Variants in ROCK2 observed in about 807,000 individuals in gnomAD.
ROCK2 encodes the protein rho-associated protein kinase 2.
A neutral mutation model predicts 195.1 loss-of-function variants in ROCK2; 61 were observed. The observed-to-expected ratio is 0.31, with a 90% confidence interval of 0.25 to 0.39. The LOEUF (loss-of-function observed/expected upper bound fraction) is 0.39. ROCK2 is among the 10% of genes least tolerant of loss of function. The pLI is 1.00. For missense variants in ROCK2, 1,109 were observed against 1,637.4 expected (o/e 0.68, Z 5.57); for synonymous variants, 504 against 545.5 (o/e 0.92, Z 1.06).
In ROCK2 at chr2:11,221,118, T is replaced by A. The variant is rs1054939127; in HGVS notation, c.1259+80A>T. ...AAACAAATTAATACTTTATCTCCTA[T>A]AATTGAGTCTCAAAATAACACATCA... is the stretch of plus-strand genomic sequence containing the variant. On this transcript the variant is annotated intron_variant, in intron 9 of 32. Coordinates refer to ENST00000315872, the MANE Select transcript of ROCK2 (RefSeq NM_004850.5). 2.0e-5 allele frequency: 21 copies of A among 1,050,362 alleles called. No individual in the cohort carries two copies. The African/African-American group carries it at 3.1e-4, about 16-fold the overall frequency. The allele number at this position is 1,050,362 out of a possible 1,614,324, so 65.1% of individuals were successfully genotyped here.
chr2:11,321,378 A>G (rs1668394943), intron 1 of ROCK2, among the ~76,000 whole-genome samples: 1 of 151,470 alleles, frequency 6.6e-6, no homozygotes, highest in Non-Finnish European at 1.5e-5. Flanking sequence ...GTTTTTTGCC[A>G]TGTTAGCCAG....
chr2:11,337,235 A>C (rs1668956823), intron 1 of ROCK2, among the ~76,000 whole-genome samples: 1 of 151,416 alleles, frequency 6.6e-6, no homozygotes, highest in Non-Finnish European at 1.5e-5. Context: ...ACTCAGCAAG[A>C]CTCTACCTCA....
upstream of ROCK2, among the ~76,000 whole-genome samples, chr2:11,344,766 T>G (rs927903922): frequency 2.0e-5 from 3 of 149,406 alleles, no homozygotes; most frequent in Non-Finnish European, 4.5e-5. This position sits in a 1 kb window ranked among gnomAD's most constrained non-coding sequence, Gnocchi z 5.4. Context: ...TTTCCCTTCC[T>G]GCGTCTGTCC....
chr2:11,195,642 G>GT (rs1476251300), intron 27 of ROCK2, among the ~76,000 whole-genome samples: 1 of 152,116 alleles, frequency 6.6e-6, no homozygotes, highest in Non-Finnish European at 1.5e-5. Context: ...GGCTTCCCAG[G>GT]TAGCTGGGAT....
At chr2:11,307,386 T>A (rs1667890027) in intron 1 of ROCK2, among the ~76,000 whole-genome samples, 1 of 152,236 alleles carries the variant, frequency 6.6e-6, no homozygotes, top group South Asian at 2.1e-4. Context: ...CGATCTCAGC[T>A]CACTGCAACC....
chr2:11,275,659 T>C (rs1246294169), intron 3 of ROCK2, among the ~76,000 whole-genome samples: 2 of 151,706 alleles, frequency 1.3e-5, no homozygotes, highest in African/African-American at 4.8e-5. Flanking sequence ...ATCATTTCAA[T>C]TGAGGGAGAA....
At chr2:11,311,749 GAA>G in intron 1 of ROCK2, among the ~76,000 whole-genome samples, 1 of 151,394 alleles carries the variant, frequency 6.6e-6, no homozygotes, top group South Asian at 2.1e-4. Context: ...AAAATCGAGA[GAA>G]AGCGCACACG....
intron 3 of ROCK2, among the ~76,000 whole-genome samples, chr2:11,257,308 C>T (rs1666070607): frequency 1.3e-5 from 2 of 151,180 alleles, no homozygotes; most frequent in Non-Finnish European, 1.5e-5. Context: ...GAGCTGCGGG[C>T]GACGGCAGAG....
At chr2:11,289,945 C>T (rs560148567) in intron 1 of ROCK2, among the ~76,000 whole-genome samples, 13 of 152,268 alleles carry the variant, frequency 8.5e-5, no homozygotes, top group African/African-American at 2.6e-4. Flanking sequence ...AACACTATCA[C>T]AATTAGGCAC....
intron 1 of ROCK2, among the ~76,000 whole-genome samples, chr2:11,314,579 T>C (rs555641902): frequency 4.6e-5 from 7 of 152,112 alleles, no homozygotes; most frequent in African/African-American, 1.4e-4. Context: ...ATCCTCAAAT[T>C]TGCTTTTCAT....
chr2:11,308,781 G>GC (rs1420069047), intron 1 of ROCK2: 3 of 1,612,236 alleles, frequency 1.9e-6, no homozygotes, highest in African/African-American at 1.3e-5. Context: ...AGGTTTACCA[G>GC]CACCAAGTGT....
In ROCK2 at chr2:11,218,472, TAAAAC is replaced by T; in HGVS notation, c.1321-11_1321-7del. On this transcript the variant is annotated splice_region_variant and splice_polypyrimidine_tract_variant and intron_variant, in intron 10 of 32. Coordinates refer to ENST00000315872, the MANE Select transcript of ROCK2 (RefSeq NM_004850.5). ...CAACATACCTCTTGACTTTCCTATT[TAAAAC>T]AAAACAGAAAACACATTAAAATACT... 1 of 1,538,800 alleles carries T rather than the reference TAAAAC, an allele frequency of 6.5e-7. No homozygotes were observed. Among genetic ancestry groups the T allele is most frequent in the Non-Finnish European group, 8.8e-7 (1 of 1,132,772 alleles).
At chr2:11,222,713 T>C (rs546881245) in intron 7 of ROCK2, among the ~76,000 whole-genome samples, 2 of 152,254 alleles carry the variant, frequency 1.3e-5, no homozygotes, top group African/African-American at 4.8e-5. Context: ...AGAATTTCAT[T>C]CTTTGACCCT....
At chr2:11,340,099 T>C (rs1203974552) in intron 1 of ROCK2, among the ~76,000 whole-genome samples, 1 of 152,234 alleles carries the variant, frequency 6.6e-6, no homozygotes, top group Non-Finnish European at 1.5e-5. Flanking sequence ...CGTATTTCCT[T>C]ACTTAGTCTA....
In ROCK2 at chr2:11,200,896, A is replaced by T. The variant is rs372696298; in HGVS notation, c.2910+61T>A. On this transcript the variant is annotated intron_variant, in intron 23 of 32. Transcript: ENST00000315872. ...GATCTGTGATACTTAGTATGTCTAAAGAAGGTTTAAGATATAGCAATTTAA... is the reference window on the plus strand; with the variant it reads ...GATCTGTGATACTTAGTATGTCTAATGAAGGTTTAAGATATAGCAATTTAA... The T allele has an allele frequency of 5.2e-5, 73 of 1,411,254 alleles. 2 individuals are homozygous for T. The African/African-American group carries it at 7.8e-4, about 15-fold the overall frequency. The allele number at this position is 1,411,254 out of a possible 1,614,324, so 87.4% of individuals were successfully genotyped here. A position where few individuals can be genotyped will look rare whatever the true frequency, so the allele number is the denominator to read the frequency against.
intron 3 of ROCK2, among the ~76,000 whole-genome samples, chr2:11,283,203 G>C (rs1667068022): frequency 6.6e-6 from 1 of 150,580 alleles, no homozygotes; most frequent in African/African-American, 2.4e-5. Flanking sequence ...AGGAGGCGGA[G>C]GTTGCAGTAA....
chr2:11,248,956 T>C (rs979278003), intron 4 of ROCK2, among the ~76,000 whole-genome samples: 4 of 151,946 alleles, frequency 2.6e-5, no homozygotes, highest in Admixed American at 2.0e-4. Flanking sequence ...AGTGCAGTGG[T>C]ACAATCTCGG....
In ROCK2 at chr2:11,208,331, T is replaced by C. The variant is rs748007730; in HGVS notation, c.2320A>G (p.Lys774Glu). 2.7e-6 allele frequency: 4 copies of C among 1,504,410 alleles called. No individual in the cohort carries two copies. The South Asian group carries it at 5.6e-5, about 21-fold the overall frequency. The allele number at this position is 1,504,410 out of a possible 1,614,324, so 93.2% of individuals were successfully genotyped here. Reference sequence around the variant, plus strand: ...TTCTGTTTAAGGAGCTCATTTATTTTCTGCTGTGACTGTTTGAGGTCACAG... The same window carrying C: ...TTCTGTTTAAGGAGCTCATTTATTTCCTGCTGTGACTGTTTGAGGTCACAG... Reference protein sequence around the residue: ...LDCDLKQSQQKINELLKQKDV... With the variant: ...LDCDLKQSQQEINELLKQKDV... Residue 774 changes from lysine to glutamate, a missense_variant, in exon 19 of 33, where the codon AAA (lysine) becomes GAA (glutamate). Coordinates refer to ENST00000315872, the MANE Select transcript of ROCK2 (RefSeq NM_004850.5).
chr2:11,282,962 C>T (rs918132939), intron 3 of ROCK2, among the ~76,000 whole-genome samples: 7 of 152,128 alleles, frequency 4.6e-5, no homozygotes, highest in African/African-American at 1.7e-4. Context: ...CCTGAACAGA[C>T]ACTTCATCAA....
Sources: gnomAD v4.1 joint callset for allele counts (sites outside exome capture counted in the v4.1 genomes callset) on GRCh38, gnomAD v4.1.1 for gene constraint, Gnocchi (gnomAD v3.1) non-coding constraint, MANE v1.5 for transcripts, NCBI Gene and HGNC (gene_info 2026-07-23, HGNC 2026-07-21) for gene names.